KLHL29: variants seen among roughly 807,000 people sequenced by gnomAD.
KLHL29 encodes kelch like family member 29.
Under a neutral mutation model 80.4 loss-of-function variants are expected in KLHL29, and 21 were observed. The observed-to-expected ratio is 0.26, with a 90% CI of 0.19 to 0.38. KLHL29 has a LOEUF of 0.38. KLHL29 is among the 10% of genes least tolerant of loss of function. The pLI is 1.00. For synonymous variants in KLHL29, 511 were observed against 526.8 expected (o/e 0.97, Z 0.41); for missense variants, 867 against 1,223.9 (o/e 0.71, Z 4.35).
rs900561050 is a variant in KLHL29 at position 23,703,252 on chromosome 2, A to C, written c.2172A>C (p.Ala724=). The C allele has an allele frequency of 4.5e-6, 7 of 1,544,542 alleles. No homozygotes were observed. Among genetic ancestry groups the C allele is most frequent in the Non-Finnish European group, 6.1e-6 (7 of 1,143,464 alleles). The change falls in exon 12 of 14, where the codon GCA becomes GCC. Residue 724 remains alanine (A), a synonymous_variant. Coordinates refer to ENST00000486442, the MANE Select transcript of KLHL29 (RefSeq NM_052920.2). ...APLPKAVHSA[A]ATVCGGKIYV... The stretch of plus-strand genomic sequence containing the variant: ...TGCCCAAGGCAGTACACTCTGCTGC[A>C]GCCACAGTGTGTGGCGGCAAGATCT...
intron 2 of KLHL29, among the ~76,000 whole-genome samples, chr2:23,518,948 A>G (rs1298088646): frequency 6.6e-6 from 1 of 152,202 alleles, no homozygotes; most frequent in Non-Finnish European, 1.5e-5. Flanking sequence ...TTTTCTTTTT[A>G]TTAGTGACTT....
At chr2:23,588,683 A>G (rs965210739) in intron 3 of KLHL29, among the ~76,000 whole-genome samples, 8 of 152,172 alleles carry the variant, frequency 5.3e-5, no homozygotes, top group African/African-American at 1.9e-4. Context: ...CTATATTTGC[A>G]TTTTTAACAA....
intron 5 of KLHL29, among the ~76,000 whole-genome samples, chr2:23,671,346 C>G (rs1670752434): frequency 1.3e-5 from 2 of 152,034 alleles, no homozygotes; most frequent in Non-Finnish European, 2.9e-5. Flanking sequence ...GCGTCTCTTT[C>G]CACTCCTTCT....
intron 3 of KLHL29, among the ~76,000 whole-genome samples, chr2:23,597,672 G>A (rs1017212912): frequency 1.7e-4 from 26 of 151,924 alleles, no homozygotes; most frequent in Non-Finnish European, 3.2e-4. Context: ...TGATCTGCCC[G>A]CCTTGGCCTC....
At chr2:23,691,929 A>G in intron 7 of KLHL29, 53 bp downstream of exon 7, 1 of 1,507,460 alleles carries the variant, frequency 6.6e-7, no homozygotes, top group Admixed American at 2.0e-5. Context: ...AGATGGGCGG[A>G]GAACTCCATA....
In KLHL29 at chr2:23,659,502, T is replaced by G. The variant is rs368027535; in HGVS notation, c.940+16652T>G. On this transcript the variant is annotated intron_variant, in intron 5 of 13. Coordinates refer to ENST00000486442, the MANE Select transcript of KLHL29 (RefSeq NM_052920.2). ...GTCCTCAACCTCATCTTCACTTCCA[T>G]TCTCAGCGCCGAGTCCCGGATCTGG... Among the ~76,000 whole-genome samples, 10 of 152,244 alleles carry G rather than the reference T, an allele frequency of 6.6e-5. No individual in the cohort carries two copies. In the South Asian group the frequency reaches 1.2e-3, roughly 19 times the overall value.
intron 2 of KLHL29, among the ~76,000 whole-genome samples, chr2:23,479,947 T>C (rs1664741925): frequency 6.6e-6 from 1 of 152,224 alleles, no homozygotes; most frequent in Non-Finnish European, 1.5e-5. Context: ...CGACAGTGTG[T>C]CCTCATAAGC....
chr2:23,703,229 C>A lies in KLHL29; in HGVS notation c.2149C>A (p.Pro717Thr), dbSNP rs1672504263. 1 of 1,517,378 alleles carries A rather than the reference C, an allele frequency of 6.6e-7. No homozygotes were observed. Among genetic ancestry groups the A allele is most frequent in the Non-Finnish European group, 8.8e-7 (1 of 1,130,852 alleles). The allele number at this position is 1,517,378 out of a possible 1,614,324, so 94.0% of individuals were successfully genotyped here. ...CCAATGGGAGGCGGTGGCCCCTCTG[C>A]CCAAGGCAGTACACTCTGCTGCAGC... ...TNQWEAVAPL[P>T]KAVHSAAATV... The change falls in exon 12 of 14, where the codon CCC becomes ACC. Residue 717 changes from proline to threonine, a missense_variant. Physicochemically the swap from Pro to Thr is conservative, Grantham distance 38. Coordinates refer to ENST00000486442, the MANE Select transcript of KLHL29 (RefSeq NM_052920.2).
At chr2:23,543,266 A>C (rs934373) in intron 2 of KLHL29, among the ~76,000 whole-genome samples, 58,663 of 151,982 alleles carry the variant, frequency 0.39, 12,523 homozygotes, top group East Asian at 0.88. Flanking sequence ...CTCCAGCTAG[A>C]ATCAAAGGGG....
rs1486601013 is a variant in KLHL29 at position 23,681,685 on chromosome 2, C to G, written c.941-2714C>G. ...GGCCCAGAAAGCTGGGGTGCTGGCC[C>G]AGGGTCACACACCAATTAGTGGCAG... On this transcript the variant is annotated intron_variant, in intron 5 of 13. Transcript: ENST00000486442. The surrounding 1 kb of genome is among the most constrained non-coding windows in gnomAD (Gnocchi z 4.2). Among the ~76,000 whole-genome samples the G allele has an allele frequency of 6.6e-6, 1 of 152,172 alleles. No homozygotes were observed. The highest frequency in any genetic ancestry group is 1.5e-5 in the Non-Finnish European group (1 of 68,028).
In KLHL29 at chr2:23,703,200, C is replaced by T; in HGVS notation, c.2120C>T (p.Thr707Ile). Residue 707 changes from threonine to isoleucine, a missense_variant, in exon 12 of 14, where the codon ACC becomes ATC. Thr to Ile is a moderately conservative substitution (Grantham distance 89). Coordinates refer to ENST00000486442, the MANE Select transcript of KLHL29 (RefSeq NM_052920.2). ...VDHVERYDTITNQWEAVAPLP... is the reference protein window; with the variant it reads ...VDHVERYDTIINQWEAVAPLP... ...CTCTCCTGCAGGTACGACACCATCA[C>T]CAACCAATGGGAGGCGGTGGCCCCT... 2.1e-6 allele frequency: 3 copies of T among 1,457,456 alleles called. No homozygotes were observed. The highest frequency in any genetic ancestry group is 1.8e-6 in the Non-Finnish European group (2 of 1,100,466). 90.3% of individuals were successfully genotyped at this position (1,457,456 alleles called of 1,614,324 possible).
chr2:23,564,505 G>A (rs531616520), intron 3 of KLHL29, among the ~76,000 whole-genome samples: 3 of 152,320 alleles, frequency 2.0e-5, no homozygotes, highest in African/African-American at 4.8e-5. Context: ...TTGATTCCCC[G>A]GATTAAGCCC....
intron 2 of KLHL29, among the ~76,000 whole-genome samples, chr2:23,553,781 C>T (rs1404837085): frequency 1.3e-5 from 2 of 152,222 alleles, no homozygotes; most frequent in East Asian, 3.9e-4. Flanking sequence ...CAAATGTTCC[C>T]TGAGCCCCCT....
chr2:23,473,618 C>T (rs1432366880), intron 1 of KLHL29, among the ~76,000 whole-genome samples: 1 of 152,140 alleles, frequency 6.6e-6, no homozygotes, highest in Non-Finnish European at 1.5e-5. Flanking sequence ...CTCTAGGCTA[C>T]AGTCTAGCCT....
At chr2:23,644,676 A>G (rs938342176) in intron 5 of KLHL29, among the ~76,000 whole-genome samples, 3 of 152,260 alleles carry the variant, frequency 2.0e-5, no homozygotes, top group Non-Finnish European at 2.9e-5. Context: ...CACTGGGTCA[A>G]TGACCATTGC....
chr2:23,441,340 G>GA (rs1378039150), intron 1 of KLHL29, among the ~76,000 whole-genome samples: 2 of 105,640 alleles, frequency 1.9e-5, no homozygotes, highest in Non-Finnish European at 3.6e-5. Context: ...GGGGTGGGGG[G>GA]AGGGGGGAGG....
chr2:23,593,438 C>T (rs1185822331), intron 3 of KLHL29, among the ~76,000 whole-genome samples: 1 of 152,158 alleles, frequency 6.6e-6, no homozygotes, highest in East Asian at 1.9e-4. Context: ...TTTTACTCTC[C>T]CCAAGCCCGG....
chr2:23,679,880 G>A (rs575359674), intron 5 of KLHL29, among the ~76,000 whole-genome samples: 1 of 152,262 alleles, frequency 6.6e-6, no homozygotes, highest in South Asian at 2.1e-4. Flanking sequence ...CCAGATGGAG[G>A]AAGGGGAGGG....
chr2:23,698,656 T>TATC (rs1460720723), intron 11 of KLHL29, among the ~76,000 whole-genome samples: 1 of 152,228 alleles, frequency 6.6e-6, no homozygotes, highest in African/African-American at 2.4e-5. Context: ...ACCTGTATTA[T>TATC]ATCATTATAT....
Sources: allele counts gnomAD v4.1 joint callset (sites outside exome capture counted in the v4.1 genomes callset), GRCh38; gene constraint gnomAD v4.1.1; non-coding constraint Gnocchi (gnomAD v3.1); transcripts MANE v1.5; gene names NCBI Gene and HGNC (gene_info 2026-07-23, HGNC 2026-07-21).